The following PDE8B variants were observed in gnomAD, a reference collection of about 807,000 sequenced individuals.
PDE8B encodes the protein phosphodiesterase 8B.
PDE8B carries 26 observed loss-of-function variants against 101.3 expected under a neutral mutation model. The observed-to-expected ratio is 0.26, with a 90% CI of 0.19 to 0.36. The LOEUF (loss-of-function observed/expected upper bound fraction) is 0.36. Among genes scored for constraint, PDE8B ranks in the 10% least tolerant of loss-of-function variants. The pLI is 1.00. For synonymous variants in PDE8B, 424 were observed against 429.3 expected, an observed-to-expected ratio of 0.99 and a Z score of 0.15; for missense variants, 810 against 1,163.1, an observed-to-expected ratio of 0.70 and a Z score of 4.42.
Position 77,409,141 on chromosome 5 carries a change from G to T in PDE8B, c.1530+84G>T, listed in dbSNP as rs1794056716. ...GCTGATGTGGAAACTGTTACCTGTGGTTGCAGAAGTACCTGTTATATAGAC... is the reference window on the plus strand; with the variant it reads ...GCTGATGTGGAAACTGTTACCTGTGTTTGCAGAAGTACCTGTTATATAGAC... On this transcript the variant is annotated intron_variant, in intron 14 of 21. Transcript: ENST00000264917. 1.4e-5 allele frequency: 16 copies of T among 1,156,198 alleles called. No individual in the cohort carries two copies. In the South Asian group the frequency reaches 2.0e-4, roughly 14 times the overall value. 71.6% of individuals were successfully genotyped at this position (1,156,198 alleles called of 1,614,324 possible).
intron 1 of PDE8B, among the ~76,000 whole-genome samples, chr5:77,231,875 G>A (rs1386828677): frequency 6.6e-6 from 1 of 152,206 alleles, no homozygotes; most frequent in African/African-American, 2.4e-5. Flanking sequence ...CGAAGGAGTG[G>A]GAAAGAAGTG....
At chr5:77,346,151 G>A (rs185120727) in intron 7 of PDE8B, among the ~76,000 whole-genome samples, 2 of 152,280 alleles carry the variant, frequency 1.3e-5, no homozygotes, top group East Asian at 3.9e-4. Flanking sequence ...TTCCTACCTG[G>A]TTTCCTGTTT....
At chr5:77,425,225 C>T (rs943768355) in intron 20 of PDE8B, among the ~76,000 whole-genome samples, 1 of 152,116 alleles carries the variant, frequency 6.6e-6, no homozygotes, top group Non-Finnish European at 1.5e-5. Flanking sequence ...GGGCTAAGTA[C>T]CCTGAGATCA....
intron 13 of PDE8B, among the ~76,000 whole-genome samples, chr5:77,407,820 G>A (rs1482064999): frequency 5.3e-5 from 8 of 152,316 alleles, no homozygotes; most frequent in Non-Finnish European, 1.0e-4. Flanking sequence ...TGCAATGGGC[G>A]AAGAGGGACT....
Position 77,427,905 on chromosome 5 carries a change from G to C in PDE8B, c.*1351G>C, listed in dbSNP as rs1247695655. The stretch of plus-strand genomic sequence containing the variant: ...AACAGAGACTGAATTAATTGAATCA[G>C]TAATTACTTTTTTCCAATACAAATT... On this transcript the variant is annotated 3_prime_UTR_variant, in exon 22 of 22. Coordinates refer to ENST00000264917, the MANE Select transcript of PDE8B (RefSeq NM_003719.5). 1.3e-5 allele frequency: 2 copies of C among 152,154 alleles called. No homozygotes were observed. Among genetic ancestry groups the C allele is most frequent in the African/African-American group, 4.8e-5 (2 of 41,444 alleles). 9.4% of individuals were successfully genotyped at this position (152,154 alleles called of 1,614,324 possible). A position where few individuals can be genotyped will look rare whatever the true frequency, so the allele number is the denominator to read the frequency against.
intron 1 of PDE8B, among the ~76,000 whole-genome samples, chr5:77,223,567 A>G (rs1236391295): frequency 6.6e-6 from 1 of 152,040 alleles, no homozygotes; most frequent in East Asian, 1.9e-4. Flanking sequence ...TTCTAAGTCA[A>G]GCATTTACAA....
the PDE8B span, among the ~76,000 whole-genome samples, chr5:77,199,310 T>C: frequency 2.0e-5 from 3 of 152,348 alleles, no homozygotes; most frequent in Admixed American, 6.5e-5. Flanking sequence ...TGTAATTTAG[T>C]ACTTCAAGTG....
chr5:77,422,790 CT>C (rs1446292251), intron 20 of PDE8B, among the ~76,000 whole-genome samples: 6 of 152,210 alleles, frequency 3.9e-5, no homozygotes, highest in South Asian at 2.1e-4. Context: ...CTGAAATGTA[CT>C]GTGGAGGCAG....
At chr5:77,400,147 A>C in intron 10 of PDE8B, 101 bp from the exon 11 acceptor site, 1 of 830,468 alleles carries the variant, frequency 1.2e-6, no homozygotes, top group Non-Finnish European at 2.1e-6. Flanking sequence ...TGCTTTCTTC[A>C]AGTCTTCAGA....
At chr5:77,404,069 C>T (rs536258534) in intron 11 of PDE8B, among the ~76,000 whole-genome samples, 5 of 152,144 alleles carry the variant, frequency 3.3e-5, no homozygotes, top group Non-Finnish European at 7.4e-5. Flanking sequence ...TTGCATGCAA[C>T]CTCTGCGTGC....
chr5:77,183,822 C>T, the PDE8B span, among the ~76,000 whole-genome samples: 2 of 152,274 alleles, frequency 1.3e-5, no homozygotes, highest in South Asian at 2.1e-4. Flanking sequence ...TCTCAGTTTT[C>T]ACAGTCACAT....
At chr5:77,162,130 T>C in the PDE8B span, among the ~76,000 whole-genome samples, 1 of 151,998 alleles carries the variant, frequency 6.6e-6, no homozygotes, top group African/African-American at 2.4e-5. Context: ...TTTTTCTATG[T>C]ATCGCCACAA....
chr5:77,386,624 G>C (rs1256813175), intron 10 of PDE8B, among the ~76,000 whole-genome samples: 1 of 151,890 alleles, frequency 6.6e-6, no homozygotes, highest in Admixed American at 6.6e-5. Context: ...CTTTCCATTT[G>C]CTTGGTAAAT....
chr5:77,172,852 T>C, the PDE8B span, among the ~76,000 whole-genome samples: 1 of 152,178 alleles, frequency 6.6e-6, no homozygotes, highest in Non-Finnish European at 1.5e-5. Flanking sequence ...TTCCACTTGT[T>C]TACTTGTTTC....
At chr5:77,372,589 CTT>C (rs1258103326) in intron 10 of PDE8B, among the ~76,000 whole-genome samples, 1 of 152,176 alleles carries the variant, frequency 6.6e-6, no homozygotes, top group Non-Finnish European at 1.5e-5. Flanking sequence ...ATAAGAAGAT[CTT>C]TTTTCCCCTA....
chr5:77,334,910 GT>G (rs1315292921), intron 5 of PDE8B, among the ~76,000 whole-genome samples: 2 of 152,140 alleles, frequency 1.3e-5, no homozygotes, highest in African/African-American at 2.4e-5. Flanking sequence ...TGAAAACTCA[GT>G]TTCCCCCTCC....
intron 5 of PDE8B, among the ~76,000 whole-genome samples, chr5:77,335,901 A>G (rs1246071366): frequency 2.0e-5 from 3 of 151,832 alleles, no homozygotes; most frequent in African/African-American, 7.3e-5. Context: ...TTCTGATTTC[A>G]TTATTTCTCA....
intron 1 of PDE8B, among the ~76,000 whole-genome samples, chr5:77,266,181 C>A (rs572842347): frequency 1.3e-5 from 2 of 152,330 alleles, no homozygotes; most frequent in African/African-American, 4.8e-5. Context: ...CTAATCCCAA[C>A]ATCAATACTT....
chr5:77,333,897 A>G (rs1303127647), intron 5 of PDE8B, among the ~76,000 whole-genome samples: 1 of 152,226 alleles, frequency 6.6e-6, no homozygotes, highest in Admixed American at 6.5e-5. Context: ...GGGCATGAAC[A>G]GCGGTAGCTG....
Sources: gnomAD v4.1 joint callset for allele counts (sites outside exome capture counted in the v4.1 genomes callset) on GRCh38, gnomAD v4.1.1 for gene constraint, MANE v1.5 for transcripts, NCBI Gene and HGNC (gene_info 2026-07-23, HGNC 2026-07-21) for gene names.